The following PPL variants were observed in gnomAD, a reference collection of about 807,000 sequenced individuals.
PPL encodes 190 kDa paraneoplastic pemphigus antigen.
A neutral mutation model predicts 194.4 loss-of-function variants in PPL; 198 were observed. The observed-to-expected ratio is 1.02, with a 90% CI of 0.91 to 1.15. The LOEUF (loss-of-function observed/expected upper bound fraction) is 1.15, where lower values mean the gene tolerates loss of function less well. PPL is among the 50% of genes most tolerant of loss of function. PPL has a pLI of 0.00. For missense variants in PPL, 2,885 were observed against 2,294.8 expected (o/e 1.26, Z -5.25); for synonymous variants, 1,220 against 972.4 (o/e 1.25, Z -4.74).
intron 19 of PPL, 63 bp from the exon 20 acceptor site, chr16:4,888,281 C>G (rs1803672448): frequency 1.7e-6 from 2 of 1,170,408 alleles, no homozygotes; most frequent in Non-Finnish European, 2.6e-6. Flanking sequence ...CAGACATGTT[C>G]CTGTACCCCT....
At position 4,895,339 on chromosome 16, in the gene PPL, C is replaced by T. The variant is rs1457562393; in HGVS notation, c.1164G>A (p.Val388=). 2 of 1,613,418 alleles carry T rather than the reference C, an allele frequency of 1.2e-6. No individual in the cohort carries two copies. The highest frequency in any genetic ancestry group is 1.7e-6 in the Non-Finnish European group (2 of 1,179,980). The stretch of plus-strand genomic sequence containing the variant: ...TCTCCCGGCGGTACTTGAGGGGCAC[C>T]ACCTGCTGGCCTCGCTTCTGCAGCC... ...VQGLQKRGQQ[V]VPLKYRRETP... The change falls in exon 11 of 22, where the codon GTG becomes GTA. Residue 388 remains valine, a synonymous_variant. Coordinates refer to ENST00000345988, the MANE Select transcript of PPL (RefSeq NM_002705.5).
Position 4,893,195 on chromosome 16 carries a change from C to A in PPL, c.1650+18G>T. 1 of 1,531,722 alleles carries A rather than the reference C, an allele frequency of 6.5e-7. No homozygotes were observed. Among genetic ancestry groups the A allele is most frequent in the Non-Finnish European group, 8.8e-7 (1 of 1,140,282 alleles). 94.9% of individuals were successfully genotyped at this position (1,531,722 alleles called of 1,614,324 possible). On this transcript the variant is annotated intron_variant, in intron 14 of 21. Coordinates refer to ENST00000345988, the MANE Select transcript of PPL (RefSeq NM_002705.5). The stretch of plus-strand genomic sequence containing the variant: ...CAGGGCTCCCCCGGCCCCACCTGTG[C>A]TCCTGACCCGCAGGTACCTTGAGGT...
intron 1 of PPL, among the ~76,000 whole-genome samples, chr16:4,921,667 G>A (rs1300896547): frequency 4.6e-5 from 7 of 151,958 alleles, no homozygotes; most frequent in Non-Finnish European, 1.0e-4. Flanking sequence ...GGGTTTCACC[G>A]TGTTGGCCAG....
At chr16:4,888,769 C>A in intron 19 of PPL, 1 of 539,272 alleles carries the variant, frequency 1.9e-6, no homozygotes, top group Non-Finnish European at 3.3e-6. Flanking sequence ...TTTACTGCTT[C>A]AGAGTATAAA....
At position 4,884,226 on chromosome 16, in the gene PPL, C is replaced by G. The variant is rs1373667274; in HGVS notation, c.4429G>C (p.Glu1477Gln). ...CTCCGGAGGGTCTCGAGCTCCCCCTCCAGGAGCTGCCGCCGGTGCTGCTCT... is the reference window on the plus strand; with the variant it reads ...CTCCGGAGGGTCTCGAGCTCCCCCTGCAGGAGCTGCCGCCGGTGCTGCTCT... ...EEEQHRRQLL[E>Q]GELETLRRKL... Residue 1477 changes from glutamate (E) to glutamine (Q), a missense_variant, in exon 22 of 22, where the codon GAG becomes CAG. By Grantham distance (29) the Glu-to-Gln change is conservative. Transcript: ENST00000345988. The surrounding 1 kb of genome is among the most constrained non-coding windows in gnomAD (Gnocchi z 5.7). 30 of 1,613,716 alleles carry G rather than the reference C, an allele frequency of 1.9e-5. No individual in the cohort carries two copies. The highest frequency in any genetic ancestry group is 2.3e-5 in the Non-Finnish European group (27 of 1,179,964).
At chr16:4,900,434 C>CTTTTTT (rs1217002366) in intron 6 of PPL, among the ~76,000 whole-genome samples, 11 of 61,644 alleles carry the variant, frequency 1.8e-4, no homozygotes, top group Non-Finnish European at 3.1e-4. Context: ...TACTGCACGC[C>CTTTTTT]TTTTTTTTTT....
At position 4,920,371 on chromosome 16, in the gene PPL, G is replaced by GAAAGAAAGAAAGAAAGAAAGAAA; in HGVS notation, c.63-9423_63-9422insTTTCTTTCTTTCTTTCTTTCTTT. Among the ~76,000 whole-genome samples the GAAAGAAAGAAAGAAAGAAAGAAA allele has an allele frequency of 4.1e-3, 390 of 94,230 alleles. 111 individuals are homozygous for GAAAGAAAGAAAGAAAGAAAGAAA. The highest frequency in any genetic ancestry group is 5.8e-3 in the South Asian group (13 of 2,226). The allele number at this position is 94,230 out of a possible 152,430, so 61.8% of individuals were successfully genotyped here. A position where few individuals can be genotyped will look rare whatever the true frequency, so the allele number is the denominator to read the frequency against. ...AGAAAGAAAGAAAGAAAGAAAGAAA[G>GAAAGAAAGAAAGAAAGAAAGAAA]GACACCTCGGTCAAATTTCAAAGAC... On this transcript the variant is annotated intron_variant, in intron 1 of 21. Coordinates refer to ENST00000345988, the MANE Select transcript of PPL (RefSeq NM_002705.5).
chr16:4,913,067 G>A (rs1167743222), intron 1 of PPL, among the ~76,000 whole-genome samples: 1 of 151,666 alleles, frequency 6.6e-6, no homozygotes, highest in East Asian at 1.9e-4. Flanking sequence ...TTGCACCACT[G>A]CACTCCAGCC....
rs1400602163 is a variant in PPL at position 4,890,754 on chromosome 16, G to T, written c.2136C>A (p.Asn712Lys). 3 of 1,608,672 alleles carry T rather than the reference G, an allele frequency of 1.9e-6. No homozygotes were observed. Among genetic ancestry groups the T allele is most frequent in the Non-Finnish European group, 2.5e-6 (3 of 1,178,228 alleles). Residue 712 changes from asparagine (N) to lysine (K), a missense_variant, in exon 17 of 22, where the codon AAC becomes AAA. By Grantham distance (94) the Asn-to-Lys change is moderately conservative (BLOSUM62 0). Coordinates refer to ENST00000345988, the MANE Select transcript of PPL (RefSeq NM_002705.5). ...AEVHKLGQRF[N>K]NLRQQVERRA... Reference sequence around the variant, plus strand: ...TGCGTTCCACCTGCTGGCGCAGGTTGTTGAAACGCTGGCCCAGCTTGTGCA... The same window carrying T: ...TGCGTTCCACCTGCTGGCGCAGGTTTTTGAAACGCTGGCCCAGCTTGTGCA...
chr16:4,899,399 G>A lies in PPL; in HGVS notation c.607-15C>T, dbSNP rs1321486318. The A allele has an allele frequency of 1.9e-6, 3 of 1,594,966 alleles. No individual in the cohort carries two copies. The highest frequency in any genetic ancestry group is 1.7e-5 in the Admixed American group (1 of 59,170). ...TGTGATGCTGCCTGAAGGGGCCGGG[G>A]CAAGGAAAGGGCTGCGTCCTCAGCC... On this transcript the variant is annotated splice_polypyrimidine_tract_variant and intron_variant, in intron 6 of 21. Transcript: ENST00000345988.
Position 4,884,930 on chromosome 16 carries a change from G to C in PPL, c.3725C>G (p.Pro1242Arg), listed in dbSNP as rs1385106169. 1 of 1,613,996 alleles carries C rather than the reference G, an allele frequency of 6.2e-7. No homozygotes were observed. The highest frequency in any genetic ancestry group is 8.5e-7 in the Non-Finnish European group (1 of 1,180,022). ...CCGCTGAAGCTCCTTCTCCATCTCA[G>C]GGTCAGTCTTGTACTTAATGACTTC... ...TKEVIKYKTD[P>R]EMEKELQRLR... The change falls in exon 22 of 22, where the codon CCT becomes CGT. Residue 1242 changes from proline (P) to arginine (R), a missense_variant. Transcript: ENST00000345988. The surrounding 1 kb of genome is among the most constrained non-coding windows in gnomAD (Gnocchi z 5.7).
At chr16:4,922,671 C>T (rs2089073718) in intron 1 of PPL, among the ~76,000 whole-genome samples, 1 of 151,756 alleles carries the variant, frequency 6.6e-6, no homozygotes, top group Admixed American at 6.6e-5. Context: ...CAAAACAAAA[C>T]AAAACAAAAA....
intron 1 of PPL, among the ~76,000 whole-genome samples, chr16:4,934,800 G>C (rs997925362): frequency 6.6e-6 from 1 of 152,170 alleles, no homozygotes; most frequent in Non-Finnish European, 1.5e-5. Context: ...CAATGTTCAA[G>C]AGATGCGTTT....
In PPL at chr16:4,910,830, G is replaced by A. The variant is rs766606935; in HGVS notation, c.162+20C>T. 4 of 1,605,214 alleles carry A rather than the reference G, an allele frequency of 2.5e-6. No homozygotes were observed. Among genetic ancestry groups the A allele is most frequent in the Non-Finnish European group, 3.4e-6 (4 of 1,172,168 alleles). On this transcript the variant is annotated intron_variant, in intron 2 of 21. Transcript: ENST00000345988. Reference sequence around the variant, plus strand: ...GGCAGCACGGGGCACCCAGGTGGGAGTGGGAGTGGGGGCACTCACACTCTG... The same window carrying A: ...GGCAGCACGGGGCACCCAGGTGGGAATGGGAGTGGGGGCACTCACACTCTG...
At position 4,884,677 on chromosome 16, in the gene PPL, C is replaced by T. The variant is rs780788794; in HGVS notation, c.3978G>A (p.Glu1326=). The change falls in exon 22 of 22, where the codon GAG becomes GAA. Residue 1326 remains glutamate, a synonymous_variant. Transcript: ENST00000345988. This position sits in a 1 kb window ranked among gnomAD's most constrained non-coding sequence, Gnocchi z 5.7. The part of the protein sequence containing the change: ...SEEQKKQVDL[E]RERASQEEQI... The stretch of plus-strand genomic sequence containing the variant: ...GCTCTTCCTGGGAAGCTCTTTCCCT[C>T]TCCAGATCCACTTGTTTCTTCTGCT... The T allele has an allele frequency of 6.2e-6, 10 of 1,614,040 alleles. No homozygotes were observed. In the East Asian group the frequency reaches 1.6e-4, roughly 25 times the overall value.
chr16:4,883,761 C>A lies in PPL; in HGVS notation c.4894G>T (p.Glu1632Ter). ...LKRLSKDKDL[E>*]IDELQKRLGS... ...AGGCGCTTCTGCAGCTCGTCGATCT[C>A]GAGGTCTTTGTCCTTGGAGAGCCTC... Residue 1632 changes from glutamate (E) to a stop codon, truncating the protein, a stop_gained, in exon 22 of 22, where the codon GAG becomes TAG. Transcript: ENST00000345988. LOFTEE classifies it high-confidence loss of function. This position sits in a 1 kb window ranked among gnomAD's most constrained non-coding sequence, Gnocchi z 4.8. 1 of 1,614,090 alleles carries A rather than the reference C, an allele frequency of 6.2e-7. No individual in the cohort carries two copies. The highest frequency in any genetic ancestry group is 8.5e-7 in the Non-Finnish European group (1 of 1,180,012).
In PPL at chr16:4,895,302, G is replaced by T. The variant is rs767571847; in HGVS notation, c.1201C>A (p.Pro401Thr). 1.5e-5 allele frequency: 24 copies of T among 1,613,064 alleles called. No individual in the cohort carries two copies. Among genetic ancestry groups the T allele is most frequent in the Non-Finnish European group, 1.9e-5 (23 of 1,179,852 alleles). Residue 401 changes from proline (P) to threonine (T), a missense_variant, in exon 11 of 22, where the codon CCC becomes ACC. Pro to Thr is a conservative substitution (Grantham distance 38, BLOSUM62 -1). Coordinates refer to ENST00000345988, the MANE Select transcript of PPL (RefSeq NM_002705.5). ...TCACAGAGTGCCTCCACGGGGATGG[G>T]CTTGAGCGGAGTCTCCCGGCGGTAC... ...LKYRRETPLK[P>T]IPVEALCDFE...
chr16:4,884,237 C>A lies in PPL; in HGVS notation c.4418G>T (p.Arg1473Leu). 2 of 1,613,710 alleles carry A rather than the reference C, an allele frequency of 1.2e-6. No individual in the cohort carries two copies. Among genetic ancestry groups the A allele is most frequent in the East Asian group, 4.5e-5 (2 of 44,862 alleles). The change falls in exon 22 of 22, where the codon CGG becomes CTG. Residue 1473 changes from arginine to leucine, a missense_variant. By Grantham distance (102) the Arg-to-Leu change is moderately radical (BLOSUM62 -2). Coordinates refer to ENST00000345988, the MANE Select transcript of PPL (RefSeq NM_002705.5). This position sits in a 1 kb window ranked among gnomAD's most constrained non-coding sequence, Gnocchi z 5.7. ...CTCGAGCTCCCCCTCCAGGAGCTGC[C>A]GCCGGTGCTGCTCTTCTTCCAGCTG... ...RLQLEEEQHR[R>L]QLLEGELETL...
chr16:4,936,659 G>A (rs569433061), intron 1 of PPL, among the ~76,000 whole-genome samples: 2 of 152,314 alleles, frequency 1.3e-5, no homozygotes, highest in African/African-American at 4.8e-5. Flanking sequence ...CTGCGCAAGA[G>A]CGACCCTGGG....
Sources: allele counts gnomAD v4.1 joint callset (sites outside exome capture counted in the v4.1 genomes callset), GRCh38; gene constraint gnomAD v4.1.1; non-coding constraint Gnocchi (gnomAD v3.1); transcripts MANE v1.5; gene names NCBI Gene and HGNC (gene_info 2026-07-23, HGNC 2026-07-21).